CDK8: variants seen among roughly 807,000 people sequenced by gnomAD.
CDK8 encodes the protein cyclin dependent kinase 8, also known as cyclin-dependent kinase 8.
CDK8 carries 29 observed loss-of-function variants against 71.5 expected under a neutral mutation model. The observed-to-expected ratio is 0.41, with a 90% CI of 0.30 to 0.55. CDK8 has a LOEUF of 0.55. CDK8 is among the 20% of genes least tolerant of loss of function. The pLI, the probability that CDK8 is intolerant of heterozygous loss-of-function variation, is 0.37. For synonymous variants in CDK8, 161 were observed against 192.1 expected, an observed-to-expected ratio of 0.84 and a Z score of 1.34; for missense variants, 288 against 572.6, an observed-to-expected ratio of 0.50 and a Z score of 5.07.
chr13:26,299,577 C>T (rs1401618312), intron 1 of CDK8, among the ~76,000 whole-genome samples: 1 of 152,186 alleles, frequency 6.6e-6, no homozygotes, highest in African/African-American at 2.4e-5. Context: ...CTACACAGTT[C>T]ACTGGCAAGC....
intron 1 of CDK8, among the ~76,000 whole-genome samples, chr13:26,300,463 A>C (rs1170230814): frequency 6.6e-6 from 1 of 152,150 alleles, no homozygotes; most frequent in Non-Finnish European, 1.5e-5. Context: ...GTTTCCATTT[A>C]ATATTTTCAG....
intron 5 of CDK8, 90 bp downstream of exon 5, chr13:26,382,961 C>G: frequency 1.4e-6 from 1 of 723,262 alleles, no homozygotes. Flanking sequence ...CTATAATATG[C>G]ATATATTCAT....
intron 1 of CDK8, among the ~76,000 whole-genome samples, chr13:26,299,253 T>C (rs1429507599): frequency 6.6e-6 from 1 of 152,238 alleles, no homozygotes; most frequent in South Asian, 2.1e-4. Flanking sequence ...CTCTTAAAAC[T>C]GATCCATTCT....
chr13:26,359,647 C>T, intron 4 of CDK8: 1 of 351,610 alleles, frequency 2.8e-6, no homozygotes, highest in Non-Finnish European at 5.7e-6. Context: ...CTACTGAAGC[C>T]TGTGTTGTGA....
chr13:26,360,840 T>C (rs776544054), intron 4 of CDK8, among the ~76,000 whole-genome samples: 2 of 152,214 alleles, frequency 1.3e-5, no homozygotes, highest in African/African-American at 4.8e-5. Flanking sequence ...TTACCTCTAC[T>C]ATGATTTACT....
chr13:26,368,815 C>T (rs1407426825), intron 4 of CDK8, among the ~76,000 whole-genome samples: 3 of 152,222 alleles, frequency 2.0e-5, no homozygotes, highest in African/African-American at 4.8e-5. Flanking sequence ...GCTTTTTCTG[C>T]GTCTTCTGGG....
intron 1 of CDK8, among the ~76,000 whole-genome samples, chr13:26,297,572 C>T (rs560115262): frequency 3.0e-4 from 46 of 152,124 alleles, no homozygotes; most frequent in African/African-American, 1.0e-3. Context: ...AATTGAGAGA[C>T]GTGAGTATAA....
At position 26,254,591 on chromosome 13, in the gene CDK8, C is replaced by A; in HGVS notation, c.-51C>A. 8.2e-7 allele frequency: 1 copy of A among 1,214,518 alleles called. No individual in the cohort carries two copies. The highest frequency in any genetic ancestry group is 1.2e-6 in the Non-Finnish European group (1 of 857,830). The allele number at this position is 1,214,518 out of a possible 1,614,324, so 75.2% of individuals were successfully genotyped here. The stretch of plus-strand genomic sequence containing the variant: ...CTGCCCGTGCTTCCCCGGTCCCCAC[C>A]CCTGCCCCCCGGCCCCCCGACCCAG... On this transcript the variant is annotated 5_prime_UTR_variant, in exon 1 of 13. Transcript: ENST00000381527. The surrounding 1 kb of genome is among the most constrained non-coding windows in gnomAD (Gnocchi z 6.7).
At chr13:26,336,567 T>A (rs1158566272) in intron 1 of CDK8, among the ~76,000 whole-genome samples, 1 of 148,488 alleles carries the variant, frequency 6.7e-6, no homozygotes, top group Non-Finnish European at 1.5e-5. Context: ...TTTTTTTTTT[T>A]TTTTGAGACG....
At chr13:26,284,477 T>C (rs1464057813) in intron 1 of CDK8, among the ~76,000 whole-genome samples, 1 of 152,030 alleles carries the variant, frequency 6.6e-6, no homozygotes, top group East Asian at 1.9e-4. Context: ...CACAGAAATA[T>C]AAAAGATTAT....
intron 4 of CDK8, among the ~76,000 whole-genome samples, chr13:26,360,999 T>A (rs946005282): frequency 5.3e-5 from 8 of 152,230 alleles, no homozygotes; most frequent in African/African-American, 1.9e-4. Context: ...TGATCTCTTT[T>A]ATTGCTCTCT....
chr13:26,332,594 C>G (rs1308314112), intron 1 of CDK8, among the ~76,000 whole-genome samples: 1 of 152,054 alleles, frequency 6.6e-6, no homozygotes, highest in Non-Finnish European at 1.5e-5. Context: ...ATCGCTCTAC[C>G]TAGGACTTCC....
At chr13:26,305,023 G>A (rs1873984437) in intron 1 of CDK8, among the ~76,000 whole-genome samples, 1 of 151,998 alleles carries the variant, frequency 6.6e-6, no homozygotes, top group African/African-American at 2.4e-5. Context: ...TATCATTGTT[G>A]TATACAGTCA....
chr13:26,359,495 T>C (rs913016544), intron 4 of CDK8: 1 of 160,454 alleles, frequency 6.2e-6, no homozygotes, highest in African/African-American at 2.4e-5. Flanking sequence ...TAACAAGACA[T>C]GATGCATCAA....
At chr13:26,324,991 C>A (rs1018642077) in intron 1 of CDK8, among the ~76,000 whole-genome samples, 1 of 152,096 alleles carries the variant, frequency 6.6e-6, no homozygotes, top group South Asian at 2.1e-4. Context: ...GAAGTATAAA[C>A]CTGGCTTGAA....
intron 10 of CDK8, 147 bp downstream of exon 10, chr13:26,400,697 A>C (rs1025755877): frequency 9.5e-6 from 6 of 632,612 alleles, no homozygotes; most frequent in African/African-American, 3.7e-5. Context: ...TTTGCTGATT[A>C]AAGTGTCATT....
At chr13:26,369,988 T>C (rs185043715) in intron 4 of CDK8, among the ~76,000 whole-genome samples, 231 of 152,240 alleles carry the variant, frequency 1.5e-3, no homozygotes, top group African/African-American at 5.3e-3. Context: ...CTAGAAAAGG[T>C]CAATAAGTAG....
rs542517943 is a variant in CDK8, at chr13:26,379,246, C to G, written c.457-3568C>G. On this transcript the variant is annotated intron_variant, in intron 4 of 12. Coordinates refer to ENST00000381527, the MANE Select transcript of CDK8 (RefSeq NM_001260.3). ...AGCATGCCCAAACGGAATCTGAATT[C>G]ACTAAAGAGAGAGTGTTGGGATAAA... Among the ~76,000 whole-genome samples the G allele has an allele frequency of 6.6e-5, 10 of 152,294 alleles. 1 individual carries two copies. Among genetic ancestry groups the G allele is most frequent in the African/African-American group, 2.4e-4 (10 of 41,562 alleles).
At chr13:26,317,039 A>G (rs1874542248) in intron 1 of CDK8, among the ~76,000 whole-genome samples, 1 of 152,208 alleles carries the variant, frequency 6.6e-6, no homozygotes, top group Non-Finnish European at 1.5e-5. Context: ...GACAATGGAA[A>G]TGGTATCAAG....
Sources: allele counts gnomAD v4.1 joint callset (sites outside exome capture counted in the v4.1 genomes callset), GRCh38; gene constraint gnomAD v4.1.1; non-coding constraint Gnocchi (gnomAD v3.1); transcripts MANE v1.5; gene names NCBI Gene and HGNC (gene_info 2026-07-23, HGNC 2026-07-21).